Variants in SLC9A9 observed in about 807,000 individuals in gnomAD.
SLC9A9 encodes solute carrier family 9 member A9.
Under a neutral mutation model 77.8 loss-of-function variants are expected in SLC9A9, and 62 were observed. The observed-to-expected ratio is 0.80, with a 90% CI of 0.65 to 0.98. The LOEUF is 0.98. SLC9A9 is among the 50% of genes least tolerant of loss of function. SLC9A9 has a pLI of 0.00. For synonymous variants in SLC9A9, 320 were observed against 283.5 expected, an observed-to-expected ratio of 1.13 and a Z score of -1.29; for missense variants, 775 against 774.9, an observed-to-expected ratio of 1.00 and a Z score of 0.00.
intron 14 of SLC9A9, among the ~76,000 whole-genome samples, chr3:143,286,259 T>C (rs1394550523): frequency 6.6e-6 from 1 of 152,124 alleles, no homozygotes; most frequent in Admixed American, 6.6e-5. Flanking sequence ...CTGGAGGCAG[T>C]AGTGGTAGGA....
intron 14 of SLC9A9, among the ~76,000 whole-genome samples, chr3:143,295,239 G>A (rs938200842): frequency 1.3e-5 from 2 of 152,196 alleles, no homozygotes; most frequent in African/African-American, 4.8e-5. Context: ...CACTTTAGAT[G>A]TCTGCAATTC....
intron 6 of SLC9A9, among the ~76,000 whole-genome samples, chr3:143,594,737 C>A (rs1265677153): frequency 6.6e-6 from 1 of 151,178 alleles, no homozygotes; most frequent in African/African-American, 2.5e-5. Flanking sequence ...ATTTTCTTGG[C>A]TCTTTATTTA....
chr3:143,844,112 T>C (rs1443366895), intron 1 of SLC9A9, among the ~76,000 whole-genome samples: 2 of 152,230 alleles, frequency 1.3e-5, no homozygotes, highest in African/African-American at 4.8e-5. Flanking sequence ...GAGTATCATA[T>C]GAATCTCTGA....
intron 10 of SLC9A9, among the ~76,000 whole-genome samples, chr3:143,494,501 A>G (rs139586188): frequency 3.2e-4 from 49 of 152,342 alleles, no homozygotes; most frequent in African/African-American, 1.1e-3. Context: ...CTCAATGAAA[A>G]GAGACTAAGA....
At chr3:143,453,960 C>A (rs1243274384) in intron 12 of SLC9A9, among the ~76,000 whole-genome samples, 3 of 152,128 alleles carry the variant, frequency 2.0e-5, no homozygotes, top group African/African-American at 7.2e-5. Context: ...TGCTCTTCCA[C>A]CTTCTGTCAT....
chr3:143,455,382 G>A (rs1097938), intron 12 of SLC9A9, among the ~76,000 whole-genome samples: 77,051 of 151,962 alleles, frequency 0.51, 20,299 homozygotes, highest in Non-Finnish European at 0.58. Context: ...TTTGAAAATC[G>A]TTTTAGCTAT....
intron 4 of SLC9A9, among the ~76,000 whole-genome samples, chr3:143,740,078 A>C (rs981578696): frequency 6.6e-6 from 1 of 152,182 alleles, no homozygotes; most frequent in African/African-American, 2.4e-5. Context: ...ACAAAGTCCA[A>C]CTTCTACTAA....
intron 4 of SLC9A9, among the ~76,000 whole-genome samples, chr3:143,780,437 C>T (rs2007834330): frequency 6.6e-6 from 1 of 152,094 alleles, no homozygotes; most frequent in Non-Finnish European, 1.5e-5. Flanking sequence ...GAATCACTGT[C>T]AATTGGGGAT....
chr3:143,515,207 T>C (rs2036185805), intron 9 of SLC9A9, among the ~76,000 whole-genome samples: 2 of 152,232 alleles, frequency 1.3e-5, no homozygotes, highest in Non-Finnish European at 1.5e-5. Flanking sequence ...CCATCTTATA[T>C]GAACATGGTT....
At chr3:143,804,347 CT>C (rs1470093728) in intron 2 of SLC9A9, among the ~76,000 whole-genome samples, 2 of 152,156 alleles carry the variant, frequency 1.3e-5, no homozygotes, top group African/African-American at 4.8e-5. Context: ...TTACTTACCC[CT>C]AGCCCCGTAA....
intron 12 of SLC9A9, among the ~76,000 whole-genome samples, chr3:143,448,495 A>T (rs1320611821): frequency 6.6e-6 from 1 of 152,110 alleles, no homozygotes; most frequent in African/African-American, 2.4e-5. Context: ...AAGTTTTAGA[A>T]AATTGTTAGG....
At chr3:143,760,545 C>T in intron 4 of SLC9A9, among the ~76,000 whole-genome samples, 1 of 152,076 alleles carries the variant, frequency 6.6e-6, no homozygotes, top group East Asian at 1.9e-4. Flanking sequence ...TTCTTATACA[C>T]CAGTAACAGA....
chr3:143,580,042 C>A (rs537584115), intron 6 of SLC9A9, among the ~76,000 whole-genome samples: 1 of 152,212 alleles, frequency 6.6e-6, no homozygotes, highest in Non-Finnish European at 1.5e-5. Flanking sequence ...GAAATGTATG[C>A]GAGAAAAGGA....
intron 12 of SLC9A9, among the ~76,000 whole-genome samples, chr3:143,454,835 T>C (rs838629): frequency 0.51 from 77,089 of 152,072 alleles, 20,316 homozygotes; most frequent in Non-Finnish European, 0.58. Flanking sequence ...TATTCCCAGC[T>C]CCCAGAGGCT....
chr3:143,485,282 C>A, intron 11 of SLC9A9, among the ~76,000 whole-genome samples: 1 of 152,206 alleles, frequency 6.6e-6, no homozygotes, highest in East Asian at 1.9e-4. Flanking sequence ...TGCACCTCCC[C>A]TTACTGGGAA....
intron 14 of SLC9A9, among the ~76,000 whole-genome samples, chr3:143,338,899 T>A (rs556423233): frequency 2.6e-5 from 4 of 152,210 alleles, no homozygotes. Context: ...TTTGAATCCA[T>A]GTTCCTCAAC....
At chr3:143,508,083 T>A (rs1489830153) in intron 9 of SLC9A9, among the ~76,000 whole-genome samples, 1 of 152,166 alleles carries the variant, frequency 6.6e-6, no homozygotes, top group Non-Finnish European at 1.5e-5. Flanking sequence ...GAAATATTTC[T>A]AATTATGTTT....
At chr3:143,778,037 C>CAAAAAA (rs748982877) in intron 4 of SLC9A9, among the ~76,000 whole-genome samples, 5 of 75,572 alleles carry the variant, frequency 6.6e-5, no homozygotes, top group Admixed American at 5.9e-4. Context: ...TTATAAAATG[C>CAAAAAA]AAAAAAAAAA....
chr3:143,732,857 G>A (rs562254033), intron 4 of SLC9A9, among the ~76,000 whole-genome samples: 3 of 152,288 alleles, frequency 2.0e-5, no homozygotes, highest in African/African-American at 7.2e-5. Flanking sequence ...GTAAAATAGA[G>A]CATGATTTTC....
Sources: gnomAD v4.1 joint callset for allele counts (sites outside exome capture counted in the v4.1 genomes callset) on GRCh38, gnomAD v4.1.1 for gene constraint, MANE v1.5 for transcripts, NCBI Gene and HGNC (gene_info 2026-07-23, HGNC 2026-07-21) for gene names.